The following XIRP2 variants were observed in gnomAD, a reference collection of about 807,000 sequenced individuals.
XIRP2 encodes xin actin-binding repeat-containing protein 2.
XIRP2 carries 236 observed loss-of-function variants against 277.0 expected under a neutral mutation model. The ratio of observed to expected loss-of-function variants is 0.85; its 90% CI spans 0.77 to 0.95. The LOEUF (loss-of-function observed/expected upper bound fraction) is 0.95. XIRP2 is among the 40% of genes least tolerant of loss of function. XIRP2 has a pLI of 0.00. For missense variants in XIRP2, 4,640 were observed against 4,157.5 expected (o/e 1.12, Z -3.19); for synonymous variants, 1,490 against 1,416.5 (o/e 1.05, Z -1.17).
rs866543057 is a variant in XIRP2, at chr2:167,244,538, C to CT, written c.3147dup (p.Gly1050TrpfsTer11). 9.3e-6 allele frequency: 15 copies of CT among 1,613,092 alleles called. No individual in the cohort carries two copies. The highest frequency in any genetic ancestry group is 1.3e-5 in the Non-Finnish European group (15 of 1,179,630). ...GGAATATCTGCTCAAGAAATACAGACTGGAAATGTGAAATCTGCCAAATGG... is the reference window on the plus strand; with the variant it reads ...GGAATATCTGCTCAAGAAATACAGACTTGGAAATGTGAAATCTGCCAAATGG... On this transcript the variant is annotated frameshift_variant, in exon 9 of 11. Coordinates refer to ENST00000409195, the MANE Select transcript of XIRP2 (RefSeq NM_152381.6). LOFTEE classifies it high-confidence loss of function.
chr2:166,896,757 T>C (rs1006341350), intron 1 of XIRP2, among the ~76,000 whole-genome samples: 1 of 152,178 alleles, frequency 6.6e-6, no homozygotes, highest in Non-Finnish European at 1.5e-5. Flanking sequence ...AGTAATTTCC[T>C]AGGCCTTCAC....
chr2:167,086,850 T>G (rs200396140), intron 2 of XIRP2, among the ~76,000 whole-genome samples: 2 of 150,686 alleles, frequency 1.3e-5, no homozygotes, highest in Non-Finnish European at 3.0e-5. Context: ...TCTTCTAAAT[T>G]TTTTTCAAAG....
intron 2 of XIRP2, among the ~76,000 whole-genome samples, chr2:166,960,015 A>T (rs1017797284): frequency 4.6e-5 from 7 of 151,888 alleles, no homozygotes; most frequent in African/African-American, 1.4e-4. Context: ...TTACCCTGCC[A>T]GTTTCTTGTC....
chr2:167,028,627 A>G (rs1688241229), intron 2 of XIRP2, among the ~76,000 whole-genome samples: 1 of 152,052 alleles, frequency 6.6e-6, no homozygotes, highest in Admixed American at 6.6e-5. Context: ...AAAGACTACA[A>G]TAAATACCTA....
intron 1 of XIRP2, among the ~76,000 whole-genome samples, chr2:166,891,805 A>T (rs943410304): frequency 6.6e-6 from 1 of 152,208 alleles, no homozygotes; most frequent in African/African-American, 2.4e-5. Context: ...TATTAGCATT[A>T]TAAACATAAT....
chr2:166,925,589 G>GTGTA (rs1553470448), intron 2 of XIRP2, among the ~76,000 whole-genome samples: 4 of 106,006 alleles, frequency 3.8e-5, no homozygotes, highest in Admixed American at 9.3e-5. Flanking sequence ...GTGTGTATGT[G>GTGTA]TATATACATA....
intron 2 of XIRP2, chr2:167,124,114 C>T (rs546663067): frequency 3.9e-5 from 6 of 151,948 alleles, no homozygotes; most frequent in East Asian, 3.9e-4. Flanking sequence ...ATATGTAAAC[C>T]CATTCTGGAA....
At chr2:167,012,934 A>G (rs997946459) in intron 2 of XIRP2, among the ~76,000 whole-genome samples, 7 of 151,372 alleles carry the variant, frequency 4.6e-5, no homozygotes, top group African/African-American at 1.7e-4. Context: ...TTTCATGATG[A>G]TAAAAATTAG....
At chr2:166,902,362 A>G (rs1684406423) in intron 1 of XIRP2, among the ~76,000 whole-genome samples, 2 of 152,236 alleles carry the variant, frequency 1.3e-5, no homozygotes, top group Middle Eastern at 3.4e-3. Context: ...TGCATAAGAT[A>G]TTATTCATAA....
intron 3 of XIRP2, among the ~76,000 whole-genome samples, chr2:167,200,098 G>A (rs759179683): frequency 3.9e-5 from 6 of 152,192 alleles, no homozygotes; most frequent in East Asian, 1.9e-4. Flanking sequence ...AAGGAGATGC[G>A]TATTCAAACT....
At chr2:167,230,468 G>T (rs1436140780) in intron 5 of XIRP2, among the ~76,000 whole-genome samples, 1 of 151,648 alleles carries the variant, frequency 6.6e-6, no homozygotes, top group Non-Finnish European at 1.5e-5. Flanking sequence ...TCTACATAAG[G>T]GATTATGATA....
intron 2 of XIRP2, among the ~76,000 whole-genome samples, chr2:166,939,690 A>AC (rs1336909065): frequency 5.3e-5 from 8 of 150,604 alleles, no homozygotes; most frequent in Non-Finnish European, 8.9e-5. Flanking sequence ...AAAAAAAAAA[A>AC]AAAAAAAACA....
chr2:167,247,235 A>G lies in XIRP2; in HGVS notation c.5843A>G (p.Asp1948Gly). 1 of 1,613,736 alleles carries G rather than the reference A, an allele frequency of 6.2e-7. No individual in the cohort carries two copies. Among genetic ancestry groups the G allele is most frequent in the African/African-American group, 1.3e-5 (1 of 75,016 alleles). The change falls in exon 9 of 11, where the codon GAT becomes GGT. Residue 1948 changes from aspartate to glycine, a missense_variant. Physicochemically the swap from Asp to Gly is moderately conservative, Grantham distance 94 (BLOSUM62 -1). Coordinates refer to ENST00000409195, the MANE Select transcript of XIRP2 (RefSeq NM_152381.6). ...EVHKEGVIKK[D>G]AKAVMAGSSG... is the part of the protein sequence containing the mutation. ...CATAAAGAAGGTGTAATAAAAAAAG[A>G]TGCTAAAGCTGTGATGGCAGGATCC...
At chr2:167,208,065 T>C (rs2105385934) in intron 3 of XIRP2, among the ~76,000 whole-genome samples, 1 of 152,286 alleles carries the variant, frequency 6.6e-6, no homozygotes, top group African/African-American at 2.4e-5. Flanking sequence ...TAACTCAAGA[T>C]TTGGGAGAAT....
chr2:167,240,076 C>A, intron 6 of XIRP2, 111 bp downstream of exon 6: 3 of 891,322 alleles, frequency 3.4e-6, no homozygotes, highest in South Asian at 2.4e-5. Context: ...AGTATCAATA[C>A]CTATCAGTGT....
At chr2:167,253,530 T>TA (rs1218511600) in intron 9 of XIRP2, among the ~76,000 whole-genome samples, 3 of 151,822 alleles carry the variant, frequency 2.0e-5, no homozygotes, top group African/African-American at 7.2e-5. Flanking sequence ...GTCCTTGGCT[T>TA]AAAAAACATA....
At chr2:167,228,128 A>C (rs2105413250) in intron 5 of XIRP2, among the ~76,000 whole-genome samples, 1 of 152,268 alleles carries the variant, frequency 6.6e-6, no homozygotes, top group South Asian at 2.1e-4. Flanking sequence ...ATGTGCCCAT[A>C]AAATATAATC....
chr2:167,014,383 C>G (rs983773360), intron 2 of XIRP2, among the ~76,000 whole-genome samples: 1 of 151,448 alleles, frequency 6.6e-6, no homozygotes, highest in South Asian at 2.1e-4. Context: ...TGAGGTATAA[C>G]AACAGAGAAA....
chr2:167,024,814 A>T (rs1322096405), intron 2 of XIRP2, among the ~76,000 whole-genome samples: 1 of 152,150 alleles, frequency 6.6e-6, no homozygotes, highest in Non-Finnish European at 1.5e-5. Flanking sequence ...CCACTTGATC[A>T]TGGTGGATAA....
Sources: gnomAD v4.1 joint callset for allele counts (sites outside exome capture counted in the v4.1 genomes callset) on GRCh38, gnomAD v4.1.1 for gene constraint, MANE v1.5 for transcripts, NCBI Gene and HGNC (gene_info 2026-07-23, HGNC 2026-07-21) for gene names.